The following PDE10A variants were observed in gnomAD, a reference collection of about 807,000 sequenced individuals.
The protein encoded by PDE10A is phosphodiesterase 10A.
A neutral mutation model predicts 97.7 loss-of-function variants in PDE10A; 39 were observed. The observed-to-expected ratio is 0.40, with a 90% CI of 0.31 to 0.52. The LOEUF (loss-of-function observed/expected upper bound fraction) is 0.52, where lower values mean the gene tolerates loss of function less well. Among genes scored for constraint, PDE10A ranks in the 20% least tolerant of loss-of-function variants. The pLI is 0.56. For missense variants in PDE10A, 731 were observed against 1,047.8 expected (o/e 0.70, Z 4.17); for synonymous variants, 371 against 376.8 (o/e 0.98, Z 0.18).
intron 18 of PDE10A, among the ~76,000 whole-genome samples, chr6:165,356,172 C>A (rs186564899): frequency 2.0e-5 from 3 of 152,226 alleles, no homozygotes; most frequent in African/African-American, 7.2e-5. Flanking sequence ...TCACCAGGCC[C>A]CTCCCTTGAC....
At chr6:165,647,904 G>A (rs1318297690) in intron 1 of PDE10A, among the ~76,000 whole-genome samples, 1 of 152,220 alleles carries the variant, frequency 6.6e-6, no homozygotes, top group African/African-American at 2.4e-5. Flanking sequence ...CAATCTTAAC[G>A]ACTGTAGCAA....
At chr6:165,732,128 G>C (rs972731127) in intron 1 of PDE10A, among the ~76,000 whole-genome samples, 7 of 152,170 alleles carry the variant, frequency 4.6e-5, no homozygotes, top group African/African-American at 1.7e-4. Flanking sequence ...AGAATCCTTT[G>C]CTCAGCTGAA....
At position 165,413,584 on chromosome 6, in the gene PDE10A, T is replaced by C; in HGVS notation, c.1993A>G (p.Ser665Gly). 6.2e-7 allele frequency: 1 copy of C among 1,614,190 alleles called. No individual in the cohort carries two copies. The highest frequency in any genetic ancestry group is 8.5e-7 in the Non-Finnish European group (1 of 1,179,984). ...IGVVQMVNKI[S>G]GSAFSKTDEN... Reference sequence around the variant, plus strand: ...TCTGTTTTAGAGAAGGCACTGCCACTGATTTTGTTGACCATCTGCACCACA... The same window carrying C: ...TCTGTTTTAGAGAAGGCACTGCCACCGATTTTGTTGACCATCTGCACCACA... Residue 665 changes from serine to glycine, a missense_variant, in exon 13 of 22, where the codon AGT becomes GGT. Around this residue, in one of 8 missense-constraint regions of PDE10A, gnomAD observed 108 missense variants for 199.8 expected, o/e 0.54. Coordinates refer to ENST00000539869, the MANE Select transcript of PDE10A (RefSeq NM_001385079.1).
At chr6:165,872,100 G>A (rs1187700872) in intron 1 of PDE10A, among the ~76,000 whole-genome samples, 1 of 152,056 alleles carries the variant, frequency 6.6e-6, no homozygotes, top group Non-Finnish European at 1.5e-5. Context: ...ATTGAGGGTG[G>A]CCACAGAGCC....
chr6:165,538,848 C>T (rs140489483), intron 2 of PDE10A, among the ~76,000 whole-genome samples: 5 of 152,098 alleles, frequency 3.3e-5, no homozygotes, highest in Non-Finnish European at 5.9e-5. Flanking sequence ...CAAATACAGA[C>T]GTGTAAATGT....
chr6:165,402,205 T>G (rs1230735612), intron 13 of PDE10A, among the ~76,000 whole-genome samples: 1 of 152,164 alleles, frequency 6.6e-6, no homozygotes, highest in African/African-American at 2.4e-5. Context: ...AAAATTAGAA[T>G]AAATTTTATT....
At chr6:165,890,051 T>TTCATTCCTCCCTCCCTCACTCC (rs1781747878) in intron 1 of PDE10A, among the ~76,000 whole-genome samples, 2 of 55,858 alleles carry the variant, frequency 3.6e-5, no homozygotes. Context: ...TCCCTCACTC[T>TTCATTCCTCCCTCCCTCACTCC]TCACTCCTCC....
intron 1 of PDE10A, chr6:165,948,292 A>G (rs1783844443): frequency 6.6e-6 from 1 of 152,238 alleles, no homozygotes; most frequent in African/African-American, 2.4e-5. Context: ...AGTTCCTACC[A>G]TCAGGCAAAG....
At chr6:165,482,438 G>GT (rs1439685391) in intron 2 of PDE10A, 95 bp from the exon 3 acceptor site, 21 of 947,454 alleles carry the variant, frequency 2.2e-5, no homozygotes, top group African/African-American at 8.1e-5. Context: ...AACTTGAAGG[G>GT]TTTTTTTGCA....
At chr6:165,629,524 T>C (rs980235781) in intron 1 of PDE10A, among the ~76,000 whole-genome samples, 1 of 75,330 alleles carries the variant, frequency 1.3e-5, no homozygotes, top group Admixed American at 1.1e-4. Flanking sequence ...TAACAACCTT[T>C]TTTTTTTTTT....
intron 1 of PDE10A, among the ~76,000 whole-genome samples, chr6:165,834,106 G>T (rs144459978): frequency 1.3e-5 from 2 of 152,326 alleles, no homozygotes; most frequent in East Asian, 3.9e-4. Flanking sequence ...GGAGCTTAGG[G>T]ACTTCATATG....
chr6:165,843,658 G>T (rs1780323493), intron 1 of PDE10A, among the ~76,000 whole-genome samples: 1 of 152,114 alleles, frequency 6.6e-6, no homozygotes, highest in East Asian at 1.9e-4. Context: ...CCCCGCCAAG[G>T]CCCACCTCTT....
chr6:165,375,169 G>A (rs1025851860), intron 18 of PDE10A, among the ~76,000 whole-genome samples: 6 of 152,116 alleles, frequency 3.9e-5, no homozygotes, highest in Non-Finnish European at 7.4e-5. Context: ...AAAGTCATAT[G>A]TCTCTCACTT....
At chr6:165,454,301 T>C (rs1247711941) in intron 3 of PDE10A, among the ~76,000 whole-genome samples, 1 of 152,196 alleles carries the variant, frequency 6.6e-6, no homozygotes, top group African/African-American at 2.4e-5. Context: ...ACTGATGCTG[T>C]ACAACTTAAG....
chr6:165,537,908 C>A (rs189541230), intron 2 of PDE10A, among the ~76,000 whole-genome samples: 2,974 of 151,848 alleles, frequency 0.02, 55 homozygotes, highest in South Asian at 0.073. Flanking sequence ...GTGTTTTTTT[C>A]TTATCATGAA....
chr6:165,509,543 C>T (rs1186136850), intron 2 of PDE10A, among the ~76,000 whole-genome samples: 2 of 151,208 alleles, frequency 1.3e-5, no homozygotes, highest in Non-Finnish European at 1.5e-5. Context: ...TCCTTTTGCT[C>T]GGGATTGCTT....
intron 1 of PDE10A, among the ~76,000 whole-genome samples, chr6:165,784,392 T>C (rs1245843387): frequency 6.6e-6 from 1 of 152,144 alleles, no homozygotes. Context: ...TTCCTGATTG[T>C]TTGCTTAGCT....
chr6:165,511,711 C>T (rs1453777614), intron 2 of PDE10A, among the ~76,000 whole-genome samples: 3 of 151,854 alleles, frequency 2.0e-5, no homozygotes, highest in Non-Finnish European at 4.4e-5. Context: ...GTTGCATGCA[C>T]AAATATTTAG....
At chr6:165,646,124 C>T (rs1789385584) in intron 1 of PDE10A, among the ~76,000 whole-genome samples, 2 of 152,138 alleles carry the variant, frequency 1.3e-5, no homozygotes, top group African/African-American at 2.4e-5. Flanking sequence ...ATCAGGAACG[C>T]GAGGGCAAAG....
Sources: allele counts gnomAD v4.1 joint callset (sites outside exome capture counted in the v4.1 genomes callset), GRCh38; gene constraint gnomAD v4.1.1; regional missense constraint gnomAD v4.1.1; transcripts MANE v1.5; gene names NCBI Gene and HGNC (gene_info 2026-07-23, HGNC 2026-07-21).